EGFR: variants seen among roughly 807,000 people sequenced by gnomAD.
The protein encoded by EGFR is epidermal growth factor receptor, also known as avian erythroblastic leukemia viral (v-erb-b) oncogene homolog.
A neutral mutation model predicts 143.0 loss-of-function variants in EGFR; 58 were observed. The observed-to-expected ratio is 0.41, with a 90% CI of 0.33 to 0.50. The LOEUF is 0.50. EGFR is among the 20% of genes least tolerant of loss of function. The probability of loss-of-function intolerance (pLI) is 0.39; values close to 1 mark genes in which losing one functional copy is unlikely to be tolerated. For missense variants in EGFR, 1,307 were observed against 1,579.0 expected (o/e 0.83, Z 2.92); for synonymous variants, 613 against 594.4 (o/e 1.03, Z -0.45).
chr7:55,180,037 C>T (rs1333743798), intron 19 of EGFR: 1 of 152,428 alleles, frequency 6.6e-6, no homozygotes, highest in Non-Finnish European at 1.5e-5. Context: ...CCTTTGTCTC[C>T]TGTCTCCTAT....
intron 1 of EGFR, among the ~76,000 whole-genome samples, chr7:55,105,317 T>A (rs1792069988): frequency 6.6e-6 from 1 of 152,202 alleles, no homozygotes; most frequent in Admixed American, 6.5e-5. Context: ...TGCAGAAAGA[T>A]TATGCCTTCA....
intron 1 of EGFR, among the ~76,000 whole-genome samples, chr7:55,098,965 C>T (rs1791642686): frequency 6.6e-6 from 1 of 152,256 alleles, no homozygotes; most frequent in African/African-American, 2.4e-5. Context: ...CAGGTGGCCT[C>T]TCCTGAGAGG....
chr7:55,086,682 G>A (rs941194778), intron 1 of EGFR, among the ~76,000 whole-genome samples: 35 of 152,226 alleles, frequency 2.3e-4, no homozygotes, highest in Admixed American at 2.1e-3. Flanking sequence ...CGCTTAGGTC[G>A]CTCCCGCTGT....
chr7:55,059,214 C>G (rs1352130939), intron 1 of EGFR, among the ~76,000 whole-genome samples: 1 of 152,238 alleles, frequency 6.6e-6, no homozygotes, highest in African/African-American at 2.4e-5. Context: ...TCTCTGTTAT[C>G]TCCTTGGCAC....
chr7:55,020,057 C>G (rs551719388), intron 1 of EGFR, among the ~76,000 whole-genome samples: 14 of 152,354 alleles, frequency 9.2e-5, no homozygotes, highest in African/African-American at 3.4e-4. Context: ...GAGAACTCGT[C>G]TACCACCACC....
intron 11 of EGFR, 67 bp from the exon 12 acceptor site, chr7:55,160,072 C>T (rs1417549161): frequency 1.9e-6 from 3 of 1,577,530 alleles, no homozygotes; most frequent in East Asian, 4.5e-5. Flanking sequence ...TCTGGAGAAA[C>T]AAAGTTTTCA....
intron 1 of EGFR, among the ~76,000 whole-genome samples, chr7:55,035,686 G>GA (rs35456043): frequency 0.027 from 3,233 of 117,852 alleles, 125 homozygotes; most frequent in African/African-American, 0.088. Context: ...CTCTGTCTCG[G>GA]AAAAAAAAAA....
intron 1 of EGFR, among the ~76,000 whole-genome samples, chr7:55,029,911 G>C (rs1562652014): frequency 6.6e-6 from 1 of 152,166 alleles, no homozygotes; most frequent in Non-Finnish European, 1.5e-5. Context: ...TAAGTGTGCT[G>C]TCCCTATAAT....
chr7:55,104,383 G>A (rs2128903518), intron 1 of EGFR, among the ~76,000 whole-genome samples: 1 of 152,332 alleles, frequency 6.6e-6, no homozygotes, highest in African/African-American at 2.4e-5. Context: ...ATGCCTGGTA[G>A]ATGCAGATGT....
chr7:55,071,236 G>C (rs149241159), intron 1 of EGFR, among the ~76,000 whole-genome samples: 1 of 152,200 alleles, frequency 6.6e-6, no homozygotes, highest in Non-Finnish European at 1.5e-5. Flanking sequence ...CATTAATTGC[G>C]TGAGGTAGAG....
Position 55,160,288 on chromosome 7 carries a change from C to T in EGFR, c.1448C>T (p.Thr483Ile), listed in dbSNP as rs2128941646. Residue 483 changes from threonine (T) to isoleucine (I), a missense_variant, in exon 12 of 28, where the codon ACC (threonine) becomes ATC (isoleucine). Thr to Ile is a moderately conservative substitution (Grantham distance 89). Around this residue, in one of 7 missense-constraint regions of EGFR, gnomAD observed 250 missense variants for 295.1 expected, o/e 0.85. Transcript: ENST00000275493. ...NTINWKKLFGTSGQKTKIISN... is the reference protein window; with the variant it reads ...NTINWKKLFGISGQKTKIISN... ...ATAAACTGGAAAAAACTGTTTGGGA[C>T]CTCCGGTCAGAAAACCAAAATTATA... The T allele has an allele frequency of 6.2e-7, 1 of 1,613,964 alleles. No homozygotes were observed. Among genetic ancestry groups the T allele is most frequent in the Non-Finnish European group, 8.5e-7 (1 of 1,180,000 alleles).
intron 1 of EGFR, among the ~76,000 whole-genome samples, chr7:55,129,568 G>A (rs760691067): frequency 6.6e-6 from 1 of 152,178 alleles, no homozygotes; most frequent in Non-Finnish European, 1.5e-5. Flanking sequence ...GGGGCCCTGG[G>A]TGGGAGTGGT....
At position 55,198,798 on chromosome 7, in the gene EGFR, A is replaced by G; in HGVS notation, c.2783A>G (p.Glu928Gly). ...IPASEISSILEKGERLPQPPI... is the reference protein window; with the variant it reads ...IPASEISSILGKGERLPQPPI... ...GCCAGCGAGATCTCCTCCATCCTGG[A>G]GAAAGGAGAACGCCTCCCTCAGCCA... The change falls in exon 23 of 28, where the codon GAG becomes GGG. Residue 928 changes from glutamate to glycine, a missense_variant. By Grantham distance (98) the Glu-to-Gly change is moderately conservative. Around this residue, in one of 7 missense-constraint regions of EGFR, gnomAD observed 348 missense variants for 451.5 expected, o/e 0.77. Transcript: ENST00000275493. The G allele has an allele frequency of 6.2e-7, 1 of 1,614,200 alleles. No individual in the cohort carries two copies. The highest frequency in any genetic ancestry group is 8.5e-7 in the Non-Finnish European group (1 of 1,180,032).
intron 1 of EGFR, among the ~76,000 whole-genome samples, chr7:55,139,602 G>C (rs1794342708): frequency 6.6e-6 from 1 of 152,170 alleles, no homozygotes; most frequent in African/African-American, 2.4e-5. Context: ...TAGTATTCAA[G>C]ATTGACATGC....
chr7:55,131,032 C>A (rs147487235), intron 1 of EGFR, among the ~76,000 whole-genome samples: 3 of 152,348 alleles, frequency 2.0e-5, no homozygotes, highest in East Asian at 3.9e-4. Flanking sequence ...TCAAGTCTGA[C>A]TAAGGGGCCA....
intron 1 of EGFR, among the ~76,000 whole-genome samples, chr7:55,117,542 G>GGA (rs780798245): frequency 2.6e-5 from 4 of 152,294 alleles, no homozygotes; most frequent in East Asian, 3.9e-4. Context: ...CAACCCTGGA[G>GGA]GAAACCACCT....
chr7:55,166,246 A>G (rs1785975830), intron 15 of EGFR: 1 of 555,690 alleles, frequency 1.8e-6, no homozygotes, highest in South Asian at 1.5e-5. Flanking sequence ...TAAAGCTGTC[A>G]ATCAAACTGG....
chr7:55,123,776 A>T (rs1481151385), intron 1 of EGFR, among the ~76,000 whole-genome samples: 1 of 152,156 alleles, frequency 6.6e-6, no homozygotes. Flanking sequence ...GGGGAGAGTA[A>T]TAAAAGACTA....
intron 13 of EGFR, 24 bp from the exon 14 acceptor site, chr7:55,163,709 C>T (rs1383578425): frequency 6.8e-6 from 11 of 1,606,476 alleles, no homozygotes; most frequent in Admixed American, 1.7e-5. Flanking sequence ...GGTGGGCTGA[C>T]GGGTTTCCTC....
Sources: allele counts gnomAD v4.1 joint callset (sites outside exome capture counted in the v4.1 genomes callset), GRCh38; gene constraint gnomAD v4.1.1; regional missense constraint gnomAD v4.1.1; transcripts MANE v1.5; gene names NCBI Gene and HGNC (gene_info 2026-07-23, HGNC 2026-07-21).